The following PPP1R9A variants were observed in gnomAD, a reference collection of about 807,000 sequenced individuals.
The protein encoded by PPP1R9A is neurabin-1.
PPP1R9A carries 59 observed loss-of-function variants against 141.9 expected under a neutral mutation model. The ratio of observed to expected loss-of-function variants is 0.42; its 90% CI spans 0.34 to 0.52. The LOEUF is 0.52. Among genes scored for constraint, PPP1R9A ranks in the 20% least tolerant of loss-of-function variants. PPP1R9A has a pLI of 0.10. For synonymous variants in PPP1R9A, 500 were observed against 569.7 expected (o/e 0.88, Z 1.74); for missense variants, 1,444 against 1,611.9 (o/e 0.90, Z 1.78).
At chr7:94,981,875 G>A (rs1026722319) in intron 2 of PPP1R9A, among the ~76,000 whole-genome samples, 1 of 151,872 alleles carries the variant, frequency 6.6e-6, no homozygotes. Flanking sequence ...TGCACAATGT[G>A]CAGGTTTGTT....
At chr7:95,220,204 CT>C (rs1283638377) in intron 7 of PPP1R9A, among the ~76,000 whole-genome samples, 1 of 152,040 alleles carries the variant, frequency 6.6e-6, no homozygotes, top group East Asian at 1.9e-4. Context: ...CGAAAGGCCT[CT>C]GGATGGTTGG....
At position 95,258,503 on chromosome 7, in the gene PPP1R9A, G is replaced by T. The variant is rs544612679; in HGVS notation, c.2665+6373G>T. Among the ~76,000 whole-genome samples the T allele has an allele frequency of 8.5e-5, 13 of 152,094 alleles. No homozygotes were observed. In the East Asian group the frequency reaches 2.5e-3, roughly 29 times the overall value. ...AAAAATTCCAAATCGTAAAAAGGTT[G>T]GATGAATTTGACCACAGTAATATTA... On this transcript the variant is annotated intron_variant, in intron 12 of 19. Transcript: ENST00000433360.
At chr7:94,929,864 G>T (rs1227320784) in intron 2 of PPP1R9A, among the ~76,000 whole-genome samples, 3 of 152,128 alleles carry the variant, frequency 2.0e-5, no homozygotes, top group Non-Finnish European at 2.9e-5. Context: ...GCTGGATTAG[G>T]CAGAAGATGA....
At chr7:94,981,058 A>G (rs149863713) in intron 2 of PPP1R9A, among the ~76,000 whole-genome samples, 222 of 152,284 alleles carry the variant, frequency 1.5e-3, no homozygotes, top group Non-Finnish European at 2.5e-3. Context: ...GCTGTGCTAG[A>G]GAATAATGGG....
intron 2 of PPP1R9A, among the ~76,000 whole-genome samples, chr7:95,009,027 C>G (rs1053068469): frequency 6.6e-5 from 10 of 152,092 alleles, no homozygotes; most frequent in African/African-American, 2.2e-4. Flanking sequence ...TGGAAACCAT[C>G]ATTCTCAGCA....
chr7:95,013,282 A>G (rs772796756), intron 2 of PPP1R9A, among the ~76,000 whole-genome samples: 2 of 152,166 alleles, frequency 1.3e-5, no homozygotes, highest in African/African-American at 2.4e-5. Context: ...TATAATTCCT[A>G]GACATTCATA....
At chr7:94,973,674 A>T (rs1799111144) in intron 2 of PPP1R9A, among the ~76,000 whole-genome samples, 1 of 152,074 alleles carries the variant, frequency 6.6e-6, no homozygotes, top group Admixed American at 6.6e-5. Flanking sequence ...TATAGAACAG[A>T]GAAAACAAAA....
chr7:95,273,029 C>T (rs977266752), intron 14 of PPP1R9A, among the ~76,000 whole-genome samples: 1 of 152,136 alleles, frequency 6.6e-6, no homozygotes, highest in African/African-American at 2.4e-5. Context: ...TTGGGTAGAG[C>T]CTGTCCGAGA....
At chr7:95,199,141 C>T (rs1356858075) in intron 6 of PPP1R9A, among the ~76,000 whole-genome samples, 2 of 152,156 alleles carry the variant, frequency 1.3e-5, no homozygotes, top group African/African-American at 4.8e-5. Context: ...GAAAACAGCT[C>T]TCCAGAACCC....
intron 2 of PPP1R9A, among the ~76,000 whole-genome samples, chr7:95,060,363 T>A (rs1427851411): frequency 1.3e-5 from 2 of 152,156 alleles, no homozygotes; most frequent in Non-Finnish European, 2.9e-5. Flanking sequence ...GGGATTTGTA[T>A]AAATCAACTT....
rs564044595 is a variant in PPP1R9A, at chr7:95,234,110, A to G, written c.2112+7994A>G. Among the ~76,000 whole-genome samples the G allele has an allele frequency of 2.1e-4, 32 of 152,296 alleles. No homozygotes were observed. In the South Asian group the frequency reaches 6.6e-3, roughly 32 times the overall value. ...GGATAAGTTGAAAGCATTCCCCGTG[A>G]AAACTGGAACAAGACAAGGATGCCC... On this transcript the variant is annotated intron_variant, in intron 8 of 19. Coordinates refer to ENST00000433360, the MANE Select transcript of PPP1R9A (RefSeq NM_001166160.2).
chr7:95,270,963 T>G (rs778976131), intron 14 of PPP1R9A, among the ~76,000 whole-genome samples: 1 of 152,016 alleles, frequency 6.6e-6, no homozygotes, highest in Non-Finnish European at 1.5e-5. Flanking sequence ...GAGAGAGAGA[T>G]TGCGTCCAGC....
intron 14 of PPP1R9A, among the ~76,000 whole-genome samples, chr7:95,273,579 G>A (rs745444894): frequency 2.6e-5 from 4 of 152,170 alleles, no homozygotes; most frequent in East Asian, 1.9e-4. Flanking sequence ...GCCAGAGAAG[G>A]AACAAAAGTC....
intron 2 of PPP1R9A, among the ~76,000 whole-genome samples, chr7:95,029,092 T>C (rs6955964): frequency 0.39 from 59,258 of 151,966 alleles, 12,404 homozygotes; most frequent in Middle Eastern, 0.5. Context: ...GGAGTGTAGG[T>C]GCTAGACTAT....
intron 12 of PPP1R9A, among the ~76,000 whole-genome samples, chr7:95,255,088 G>A (rs553874042): frequency 5.9e-5 from 9 of 152,076 alleles, no homozygotes. Flanking sequence ...TGCTGGTCAA[G>A]TATTTTCCTT....
At chr7:95,198,509 T>G in intron 6 of PPP1R9A, 25 bp downstream of exon 6, 1 of 1,515,018 alleles carries the variant, frequency 6.6e-7, no homozygotes. Context: ...CAAAGATTCT[T>G]TTTCCCACAT....
At chr7:95,035,928 T>C (rs893122830) in intron 2 of PPP1R9A, 7 of 152,172 alleles carry the variant, frequency 4.6e-5, no homozygotes, top group African/African-American at 1.7e-4. Context: ...CCTATTTAGG[T>C]AGAGGCCAAT....
chr7:95,109,540 C>CAA (rs953153265), intron 2 of PPP1R9A, among the ~76,000 whole-genome samples: 10 of 152,092 alleles, frequency 6.6e-5, no homozygotes, highest in African/African-American at 2.4e-4. Context: ...GTAAGTATGA[C>CAA]AATGTAAGAA....
chr7:95,240,891 A>T (rs1797353984), intron 8 of PPP1R9A, among the ~76,000 whole-genome samples: 1 of 152,070 alleles, frequency 6.6e-6, no homozygotes, highest in South Asian at 2.1e-4. Context: ...TTGTTAATAG[A>T]CCTAAGGTGA....
Sources: allele counts gnomAD v4.1 joint callset (sites outside exome capture counted in the v4.1 genomes callset), GRCh38; gene constraint gnomAD v4.1.1; transcripts MANE v1.5; gene names NCBI Gene and HGNC (gene_info 2026-07-23, HGNC 2026-07-21).